Variants in ITGBL1 observed in about 807,000 individuals in gnomAD.
The protein encoded by ITGBL1 is integrin subunit beta like 1.
In ITGBL1, 51 loss-of-function variants were observed where a neutral mutation model predicts 68.5. That is an observed-to-expected ratio of 0.74 (90% CI 0.59 to 0.94). The LOEUF (loss-of-function observed/expected upper bound fraction) is 0.94. ITGBL1 is among the 40% of genes least tolerant of loss of function. The pLI, the probability that ITGBL1 is intolerant of heterozygous loss-of-function variation, is 0.00. For missense variants in ITGBL1, 649 were observed against 647.4 expected, an observed-to-expected ratio of 1.00 and a Z score of -0.03; for synonymous variants, 209 against 227.3, an observed-to-expected ratio of 0.92 and a Z score of 0.72.
Position 101,658,381 on chromosome 13 carries a change from T to C in ITGBL1, c.1016-34204T>C, listed in dbSNP as rs112680626. Among the ~76,000 whole-genome samples the C allele has an allele frequency of 2.6e-4, 40 of 152,298 alleles. 1 individual carries two copies. Among genetic ancestry groups the C allele is most frequent in the African/African-American group, 9.6e-4 (40 of 41,564 alleles). On this transcript the variant is annotated intron_variant, in intron 7 of 10. Coordinates refer to ENST00000376180, the MANE Select transcript of ITGBL1 (RefSeq NM_004791.3). ...AGAAAATCAGTTGAAACATTAACAG[T>C]ATTTGTTCCTAAAGCTATGTTTAAT...
At chr13:101,471,574 A>C (rs2048461866) in intron 2 of ITGBL1, among the ~76,000 whole-genome samples, 2 of 151,006 alleles carry the variant, frequency 1.3e-5, no homozygotes. Flanking sequence ...GTGTGTATAT[A>C]TATTTCTCAC....
chr13:101,633,087 A>G (rs2032042169), intron 7 of ITGBL1, among the ~76,000 whole-genome samples: 3 of 152,198 alleles, frequency 2.0e-5, no homozygotes, highest in Admixed American at 6.5e-5. Context: ...TTCTGTTGGA[A>G]TTGGAAGGGC....
intron 7 of ITGBL1, among the ~76,000 whole-genome samples, chr13:101,686,903 A>T (rs993001487): frequency 3.3e-5 from 5 of 152,168 alleles, no homozygotes; most frequent in Admixed American, 2.0e-4. Flanking sequence ...TTTTTAATGA[A>T]TACTTTAAAT....
chr13:101,477,063 T>C (rs975082814), intron 2 of ITGBL1, among the ~76,000 whole-genome samples: 9 of 152,084 alleles, frequency 5.9e-5, no homozygotes, highest in African/African-American at 1.7e-4. Context: ...TGCACATGGA[T>C]CATTCTCAAG....
intron 8 of ITGBL1, among the ~76,000 whole-genome samples, chr13:101,704,962 C>A (rs965855628): frequency 1.3e-5 from 2 of 152,128 alleles, no homozygotes; most frequent in African/African-American, 4.8e-5. Context: ...ACCTGTGTGA[C>A]AAGAACAGTC....
intron 7 of ITGBL1, among the ~76,000 whole-genome samples, chr13:101,644,930 T>C (rs1473724440): frequency 3.9e-5 from 6 of 152,162 alleles, no homozygotes; most frequent in Non-Finnish European, 7.3e-5. Context: ...AAAAGGATTT[T>C]AGATAGAAGA....
intron 2 of ITGBL1, among the ~76,000 whole-genome samples, chr13:101,477,780 A>C (rs1477117608): frequency 6.6e-6 from 1 of 152,058 alleles, no homozygotes; most frequent in Non-Finnish European, 1.5e-5. Context: ...CCAAGAAGAA[A>C]TTCAAAACCT....
At chr13:101,481,881 C>T (rs1056978179) in intron 2 of ITGBL1, among the ~76,000 whole-genome samples, 1 of 151,994 alleles carries the variant, frequency 6.6e-6, no homozygotes, top group African/African-American at 2.4e-5. Context: ...ATGATCAAAT[C>T]AAGGTGATTA....
chr13:101,513,699 A>G (rs1367286360), intron 2 of ITGBL1, among the ~76,000 whole-genome samples: 1 of 152,090 alleles, frequency 6.6e-6, no homozygotes, highest in Non-Finnish European at 1.5e-5. Context: ...GTCAGTAATT[A>G]TTATACTTCA....
intron 2 of ITGBL1, among the ~76,000 whole-genome samples, chr13:101,542,636 G>C (rs570965621): frequency 6.6e-6 from 1 of 152,296 alleles, no homozygotes; most frequent in Non-Finnish European, 1.5e-5. Context: ...TCGTTGATCT[G>C]TCTAATGTTG....
chr13:101,708,278 A>T (rs1281744796), intron 9 of ITGBL1, among the ~76,000 whole-genome samples: 1 of 152,024 alleles, frequency 6.6e-6, no homozygotes, highest in Non-Finnish European at 1.5e-5. Flanking sequence ...TTCTCACCTC[A>T]TGTCTGGGGA....
intron 6 of ITGBL1, among the ~76,000 whole-genome samples, chr13:101,590,513 G>A (rs1466211781): frequency 2.0e-5 from 3 of 152,076 alleles, no homozygotes; most frequent in Non-Finnish European, 2.9e-5. Context: ...GTCCCGCATC[G>A]GCTAGATGTA....
intron 7 of ITGBL1, among the ~76,000 whole-genome samples, chr13:101,617,085 TCAAA>T (rs1013749742): frequency 1.4e-4 from 22 of 152,132 alleles, no homozygotes; most frequent in African/African-American, 4.1e-4. Flanking sequence ...CTGCATAAAA[TCAAA>T]CAAAGACTTT....
chr13:101,678,131 A>C (rs1317953576), intron 7 of ITGBL1, among the ~76,000 whole-genome samples: 1 of 152,218 alleles, frequency 6.6e-6, no homozygotes, highest in East Asian at 1.9e-4. Context: ...TGCATAAACT[A>C]TTTGAGGATA....
intron 7 of ITGBL1, among the ~76,000 whole-genome samples, chr13:101,686,483 A>G (rs1594980194): frequency 6.6e-6 from 1 of 151,998 alleles, no homozygotes; most frequent in Non-Finnish European, 1.5e-5. Flanking sequence ...TAATTTATAA[A>G]CCCAGAGCAG....
Position 101,508,812 on chromosome 13 carries a change from T to TAA in ITGBL1, c.316+54712_316+54713insAA, listed in dbSNP as rs2049067125. 2.6e-5 allele frequency among the ~76,000 whole-genome samples: 4 copies of TAA among 152,148 alleles called. No individual in the cohort carries two copies. The South Asian group carries it at 8.3e-4, about 31-fold the overall frequency. On this transcript the variant is annotated intron_variant, in intron 2 of 10. Transcript: ENST00000376180. ...TTCCATATTTTGTTCTTTGATGTTT[T>TAA]CAATATTTCAACTCTTTGAGAAACT... is the stretch of plus-strand genomic sequence containing the variant.
chr13:101,456,097 C>T (rs972303807), intron 2 of ITGBL1, among the ~76,000 whole-genome samples: 1 of 152,182 alleles, frequency 6.6e-6, no homozygotes, highest in African/African-American at 2.4e-5. Flanking sequence ...GCATCTTAGT[C>T]ACTGCATTCC....
At chr13:101,643,473 A>C (rs1410547798) in intron 7 of ITGBL1, among the ~76,000 whole-genome samples, 2 of 152,088 alleles carry the variant, frequency 1.3e-5, no homozygotes, top group South Asian at 4.1e-4. Flanking sequence ...GGCTGAGACA[A>C]TGGGGTTTTC....
intron 7 of ITGBL1, among the ~76,000 whole-genome samples, chr13:101,599,630 G>C (rs1465630306): frequency 6.6e-6 from 1 of 152,050 alleles, no homozygotes; most frequent in East Asian, 1.9e-4. Flanking sequence ...GTAAGGAAGG[G>C]ATCCAGTTTC....
Sources: gnomAD v4.1 joint callset for allele counts (sites outside exome capture counted in the v4.1 genomes callset) on GRCh38, gnomAD v4.1.1 for gene constraint, MANE v1.5 for transcripts, NCBI Gene and HGNC (gene_info 2026-07-23, HGNC 2026-07-21) for gene names.